Variants in GRAMD1B observed in about 807,000 individuals in gnomAD.
GRAMD1B encodes the protein protein Aster-B.
GRAMD1B carries 37 observed loss-of-function variants against 99.7 expected under a neutral mutation model. The ratio of observed to expected loss-of-function variants is 0.37; its 90% CI spans 0.29 to 0.49. GRAMD1B has a LOEUF of 0.49. Among genes scored for constraint, GRAMD1B ranks in the 20% least tolerant of loss-of-function variants. GRAMD1B has a pLI of 0.98. For missense variants in GRAMD1B, 888 were observed against 1,009.2 expected (o/e 0.88, Z 1.63); for synonymous variants, 427 against 387.6 (o/e 1.10, Z -1.19).
At chr11:123,465,043 C>T (rs1359758033) in intron 1 of GRAMD1B, among the ~76,000 whole-genome samples, 2 of 151,996 alleles carry the variant, frequency 1.3e-5, no homozygotes, top group African/African-American at 4.8e-5. Context: ...ATATGGGGGA[C>T]CGGAGCTTGG....
At chr11:123,604,852 T>C (rs1952484162) in intron 9 of GRAMD1B, among the ~76,000 whole-genome samples, 1 of 152,150 alleles carries the variant, frequency 6.6e-6, no homozygotes, top group African/African-American at 2.4e-5. Context: ...AGGTGTATAA[T>C]GCAGGGAAGT....
In GRAMD1B at chr11:123,591,035, C is replaced by T. The variant is rs112478561; in HGVS notation, c.685-3047C>T. 2.4e-5 allele frequency: 4 copies of T among 167,938 alleles called. No individual in the cohort carries two copies. The highest frequency in any genetic ancestry group is 9.5e-5 in the African/African-American group (4 of 42,148). The allele number at this position is 167,938 out of a possible 1,614,324, so 10.4% of individuals were successfully genotyped here. On this transcript the variant is annotated intron_variant, in intron 4 of 19. Coordinates refer to ENST00000635736, the MANE Select transcript of GRAMD1B (RefSeq NM_001387025.1). This position sits in a 1 kb window ranked among gnomAD's most constrained non-coding sequence, Gnocchi z 4.7. ...GCCATGCCATCTGCATCCTCTGGAC[C>T]CTTGGGGTGACTGTCTGCACTGACC...
chr11:123,451,658 C>T (rs184429500), intron 1 of GRAMD1B, among the ~76,000 whole-genome samples: 18 of 152,276 alleles, frequency 1.2e-4, no homozygotes, highest in Admixed American at 5.2e-4. Context: ...CCCTGCTCCC[C>T]TTCCCATTTG....
In GRAMD1B at chr11:123,360,772, CTT is replaced by C. The variant is rs1946115597; in HGVS notation, c.-176+1974_-176+1975del. Among the ~76,000 whole-genome samples the C allele has an allele frequency of 2.5e-4, 5 of 19,952 alleles. No homozygotes were observed. In the African/African-American group the frequency reaches 4.2e-3, roughly 17 times the overall value. The allele number at this position is 19,952 out of a possible 152,430, so 13.1% of individuals were successfully genotyped here. ...CTTTCCTTCCTTCCTTCCTTCTTTCCTTCCTTCCTTCCTTCCTTCCTTCCTTC... is the reference window on the plus strand; with the variant it reads ...CTTTCCTTCCTTCCTTCCTTCTTTCCCCTTCCTTCCTTCCTTCCTTCCTTC... On this transcript the variant is annotated intron_variant, in intron 1 of 20. Transcript: ENST00000638157.
chr11:123,590,760 A>G (rs1950564249), intron 4 of GRAMD1B, among the ~76,000 whole-genome samples: 2 of 152,104 alleles, frequency 1.3e-5, no homozygotes, highest in African/African-American at 4.8e-5. Flanking sequence ...GAGGGCTGTG[A>G]GTCATAGTCC....
At chr11:123,579,880 T>C (rs960374706) in intron 3 of GRAMD1B, among the ~76,000 whole-genome samples, 7 of 152,246 alleles carry the variant, frequency 4.6e-5, no homozygotes, top group Middle Eastern at 3.4e-3. Context: ...AAAGGAGACA[T>C]AATGAAGGGA....
At position 123,449,159 on chromosome 11, in the gene GRAMD1B, G is replaced by A. The variant is rs1005949152; in HGVS notation, c.374+17993G>A. On this transcript the variant is annotated intron_variant, in intron 1 of 19. Coordinates refer to ENST00000635736, the MANE Select transcript of GRAMD1B (RefSeq NM_001387025.1). Reference sequence around the variant, plus strand: ...CTCTAGGGAATGGTTCTTGACTGAGGTCTTCATTATGTCTGTGTTTCTGAA... The same window carrying A: ...CTCTAGGGAATGGTTCTTGACTGAGATCTTCATTATGTCTGTGTTTCTGAA... 2.6e-5 allele frequency among the ~76,000 whole-genome samples: 4 copies of A among 152,216 alleles called. No individual in the cohort carries two copies. In the South Asian group the frequency reaches 8.3e-4, roughly 31 times the overall value.
At chr11:123,598,148 C>T in intron 7 of GRAMD1B, 1 of 1,571,512 alleles carries the variant, frequency 6.4e-7, no homozygotes, top group South Asian at 1.1e-5. Context: ...ACACCTCATG[C>T]CATGCCATGA....
rs143631717 is a variant in GRAMD1B, at chr11:123,517,447, T to G, written c.452+36554T>G. ...AATCACAGCAGTGGTGAAAATGTAT[T>G]GAGCACTTACTTGCTCTTAGTGTCA... On this transcript the variant is annotated intron_variant, in intron 2 of 19. Coordinates refer to ENST00000635736, the MANE Select transcript of GRAMD1B (RefSeq NM_001387025.1). Among the ~76,000 whole-genome samples, 10 of 152,348 alleles carry G rather than the reference T, an allele frequency of 6.6e-5. No homozygotes were observed. The East Asian group carries it at 1.9e-3, about 29-fold the overall frequency.
chr11:123,407,863 C>T (rs1050128125), intron 1 of GRAMD1B, among the ~76,000 whole-genome samples: 1 of 152,188 alleles, frequency 6.6e-6, no homozygotes, highest in Non-Finnish European at 1.5e-5. Context: ...CTCAGCTCCC[C>T]AGGGGCTCAC....
chr11:123,398,381 T>G (rs1259040400), intron 1 of GRAMD1B, among the ~76,000 whole-genome samples: 1 of 152,204 alleles, frequency 6.6e-6, no homozygotes, highest in Non-Finnish European at 1.5e-5. Flanking sequence ...GCCAATTGCA[T>G]CATAAGAGCT....
At chr11:123,363,571 T>TTTTTTTTTTG (rs1461021284) in intron 1 of GRAMD1B, among the ~76,000 whole-genome samples, 8 of 148,860 alleles carry the variant, frequency 5.4e-5, no homozygotes, top group African/African-American at 2.1e-4. Flanking sequence ...TCTCTCATAC[T>TTTTTTTTTTG]TTTTTTTTGT....
intron 3 of GRAMD1B, among the ~76,000 whole-genome samples, chr11:123,580,996 CCTA>C (rs2136284482): frequency 6.6e-6 from 1 of 151,624 alleles, no homozygotes; most frequent in South Asian, 2.1e-4. Flanking sequence ...ATTTCTAACT[CCTA>C]CTAAATGTAG....
chr11:123,615,274 G>A (rs557775296), intron 17 of GRAMD1B, among the ~76,000 whole-genome samples: 1 of 152,178 alleles, frequency 6.6e-6, no homozygotes, highest in African/African-American at 2.4e-5. Flanking sequence ...ACGTTGGCAG[G>A]GTAGCCAGAC....
chr11:123,449,714 C>CTTTTTTTTTTTTTTTTT lies in GRAMD1B; in HGVS notation c.374+18549_374+18565dup, dbSNP rs767104181. 2.6e-4 allele frequency among the ~76,000 whole-genome samples: 26 copies of CTTTTTTTTTTTTTTTTT among 99,974 alleles called. 4 individuals carry two copies. Among genetic ancestry groups the CTTTTTTTTTTTTTTTTT allele is most frequent in the East Asian group, 3.0e-4 (1 of 3,384 alleles). 65.6% of individuals were successfully genotyped at this position (99,974 alleles called of 152,430 possible). A position where few individuals can be genotyped will look rare whatever the true frequency, so the allele number is the denominator to read the frequency against. On this transcript the variant is annotated intron_variant, in intron 1 of 19. Coordinates refer to ENST00000635736, the MANE Select transcript of GRAMD1B (RefSeq NM_001387025.1). ...TGCAGATGCATGCCACCATGCCTGG[C>CTTTTTTTTTTTTTTTTT]TTTTTTTTTTTTTTTTTGAGACAGG...
chr11:123,522,757 C>A (rs537124784), intron 2 of GRAMD1B, among the ~76,000 whole-genome samples: 13 of 152,308 alleles, frequency 8.5e-5, no homozygotes, highest in African/African-American at 2.4e-4. Flanking sequence ...CCTGTTCTTC[C>A]TTCCCTTTTG....
intron 1 of GRAMD1B, among the ~76,000 whole-genome samples, chr11:123,414,679 C>T (rs1948167770): frequency 6.6e-6 from 1 of 152,116 alleles, no homozygotes; most frequent in Admixed American, 6.6e-5. Context: ...TAGCTCCCAC[C>T]CTCTACCCAT....
chr11:123,450,758 A>G (rs899956663), intron 1 of GRAMD1B, among the ~76,000 whole-genome samples: 7 of 152,156 alleles, frequency 4.6e-5, no homozygotes, highest in African/African-American at 1.4e-4. Flanking sequence ...ATGCAGATGC[A>G]TTTGGTGCTC....
chr11:123,525,929 C>G, intron 2 of GRAMD1B: 1 of 581,472 alleles, frequency 1.7e-6, no homozygotes, highest in Non-Finnish European at 3.1e-6. Flanking sequence ...TCCTTTGCCT[C>G]CAAGCCCAGC....
Sources: allele counts gnomAD v4.1 joint callset (sites outside exome capture counted in the v4.1 genomes callset), GRCh38; gene constraint gnomAD v4.1.1; non-coding constraint Gnocchi (gnomAD v3.1); transcripts MANE v1.5; gene names NCBI Gene and HGNC (gene_info 2026-07-23, HGNC 2026-07-21).